ZNF431: variants seen among roughly 807,000 people sequenced by gnomAD.
ZNF431 encodes the protein zinc finger protein 431.
ZNF431 carries 34 observed loss-of-function variants against 57.0 expected under a neutral mutation model. That is an observed-to-expected ratio of 0.60 (90% CI 0.45 to 0.79). The LOEUF (loss-of-function observed/expected upper bound fraction) is 0.79. Among genes scored for constraint, ZNF431 ranks in the 30% least tolerant of loss-of-function variants. ZNF431 has a pLI of 0.00. For missense variants in ZNF431, 607 were observed against 667.1 expected, an observed-to-expected ratio of 0.91 and a Z score of 0.99; for synonymous variants, 207 against 220.3, an observed-to-expected ratio of 0.94 and a Z score of 0.54.
intron 2 of ZNF431, among the ~76,000 whole-genome samples, chr19:21,162,559 G>C (rs113175142): frequency 6.6e-6 from 1 of 152,092 alleles, no homozygotes; most frequent in Non-Finnish European, 1.5e-5. Flanking sequence ...ACCCACCTCA[G>C]CCTCCCAAAG....
At position 21,185,238 on chromosome 19, in the gene ZNF431, T is replaced by C. The variant is rs903231160; in HGVS notation, c.*1204T>C. 2 of 152,216 alleles carry C rather than the reference T, an allele frequency of 1.3e-5. No homozygotes were observed. Among genetic ancestry groups the C allele is most frequent in the South Asian group, 2.1e-4 (1 of 4,828 alleles). The allele number at this position is 152,216 out of a possible 1,614,324, so 9.4% of individuals were successfully genotyped here. A position where few individuals can be genotyped will look rare whatever the true frequency, so the allele number is the denominator to read the frequency against. On this transcript the variant is annotated 3_prime_UTR_variant, in exon 5 of 5. Transcript: ENST00000311048. ...GAAACTAAAGTTGGTAGAAAAGTTA[T>C]TTGTATAGAACTTTAAGAGGATCAG... is the stretch of plus-strand genomic sequence containing the variant.
At chr19:21,149,749 G>A (rs577745304) in intron 2 of ZNF431, 133 of 624,092 alleles carry the variant, frequency 2.1e-4, no homozygotes, top group Admixed American at 3.4e-4. Flanking sequence ...CAGTGATGGC[G>A]GATCTCATCC....
chr19:21,143,872 C>T (rs1186939991), intron 2 of ZNF431, among the ~76,000 whole-genome samples: 1 of 151,526 alleles, frequency 6.6e-6, no homozygotes, highest in East Asian at 1.9e-4. Context: ...TCCCAAAAGA[C>T]CAGAAAAAAA....
rs534376251 is a variant in ZNF431, at chr19:21,193,499, C to T, written c.*9465C>T. On this transcript the variant is annotated 3_prime_UTR_variant, in exon 5 of 5. Coordinates refer to ENST00000311048, the MANE Select transcript of ZNF431 (RefSeq NM_133473.4). The stretch of plus-strand genomic sequence containing the variant: ...CCGAGATCGCGCCATTGCACTCCAG[C>T]CTAGGCAATGAGTGAAACTCCATCT... The T allele has an allele frequency of 1.3e-5, 2 of 152,192 alleles. No homozygotes were observed. The highest frequency in any genetic ancestry group is 2.9e-5 in the Non-Finnish European group (2 of 68,076). 9.4% of individuals were successfully genotyped at this position (152,192 alleles called of 1,614,324 possible).
At chr19:21,165,541 A>G (rs1970698177) in intron 2 of ZNF431, among the ~76,000 whole-genome samples, 2 of 152,168 alleles carry the variant, frequency 1.3e-5, no homozygotes, top group African/African-American at 2.4e-5. Flanking sequence ...ACATCATAGA[A>G]ATTTGTTCTA....
chr19:21,191,645 A>G lies in ZNF431; in HGVS notation c.*7611A>G, dbSNP rs186572440. The G allele has an allele frequency of 6.6e-6, 1 of 152,142 alleles. No homozygotes were observed. Among genetic ancestry groups the G allele is most frequent in the South Asian group, 2.1e-4 (1 of 4,826 alleles). The allele number at this position is 152,142 out of a possible 1,614,324, so 9.4% of individuals were successfully genotyped here. On this transcript the variant is annotated 3_prime_UTR_variant, in exon 5 of 5. Coordinates refer to ENST00000311048, the MANE Select transcript of ZNF431 (RefSeq NM_133473.4). ...GGATATAAAGTTTTCTTAATTGAAG[A>G]TTCTGTTCTTTCCCTTTAAAGTCAC... is the stretch of plus-strand genomic sequence containing the variant.
chr19:21,164,072 T>A (rs1970651080), intron 2 of ZNF431, among the ~76,000 whole-genome samples: 1 of 87,050 alleles, frequency 1.1e-5, no homozygotes. Flanking sequence ...AGCGTGAAAC[T>A]CCATCTCAAA....
At chr19:21,155,424 C>G (rs946869896) in intron 2 of ZNF431, among the ~76,000 whole-genome samples, 55 of 152,098 alleles carry the variant, frequency 3.6e-4, no homozygotes, top group Non-Finnish European at 6.2e-4. Context: ...GTTACTGTAG[C>G]CTTGTTGTAT....
chr19:21,171,628 A>G (rs1192100581), intron 4 of ZNF431, among the ~76,000 whole-genome samples: 2 of 145,166 alleles, frequency 1.4e-5, no homozygotes, highest in Admixed American at 1.4e-4. Context: ...TGGCTGTTTT[A>G]TCTTGTCTAA....
At chr19:21,182,481 A>G (rs2145049256) in intron 4 of ZNF431, 142 bp from the exon 5 acceptor site, 1 of 946,630 alleles carries the variant, frequency 1.1e-6, no homozygotes, top group East Asian at 2.8e-5. Context: ...TATTAGATTT[A>G]TATGTCTATG....
intron 2 of ZNF431, 135 bp downstream of exon 2, chr19:21,143,778 TAGG>T: frequency 1.8e-6 from 1 of 552,544 alleles, no homozygotes. Flanking sequence ...TGGATTGTCT[TAGG>T]GGGCAGAAAG....
In ZNF431 at chr19:21,142,140, G is replaced by T; in HGVS notation, c.-44G>T. The T allele has an allele frequency of 1.9e-6, 3 of 1,611,618 alleles. No individual in the cohort carries two copies. The highest frequency in any genetic ancestry group is 2.5e-6 in the Non-Finnish European group (3 of 1,178,468). On this transcript the variant is annotated 5_prime_UTR_variant, in exon 1 of 5. Coordinates refer to ENST00000311048, the MANE Select transcript of ZNF431 (RefSeq NM_133473.4). ...GTGGCCCTGTGACCTGCAGGTATTG[G>T]GAGACCCACAGCTAAGACACCGGGA...
chr19:21,149,164 AACC>A (rs1265138588), intron 2 of ZNF431, among the ~76,000 whole-genome samples: 1 of 152,206 alleles, frequency 6.6e-6, no homozygotes, highest in Non-Finnish European at 1.5e-5. Flanking sequence ...TTTTCTTTAT[AACC>A]TTTGTATATG....
At chr19:21,176,347 T>G (rs1448281682) in intron 4 of ZNF431, among the ~76,000 whole-genome samples, 1 of 151,974 alleles carries the variant, frequency 6.6e-6, no homozygotes, top group African/African-American at 2.4e-5. Flanking sequence ...ATCAAGCGAT[T>G]CTTCTGCCTC....
intron 4 of ZNF431, among the ~76,000 whole-genome samples, chr19:21,173,538 T>A (rs1970966890): frequency 6.6e-6 from 1 of 152,152 alleles, no homozygotes; most frequent in Non-Finnish European, 1.5e-5. Flanking sequence ...TTTTTTGAGA[T>A]GGAGTCTTGC....
chr19:21,172,138 A>AAC (rs34679390), intron 4 of ZNF431, among the ~76,000 whole-genome samples: 142,856 of 151,742 alleles, frequency 0.94, 67,490 homozygotes, highest in Middle Eastern at 0.99. Context: ...TTGTTGTAAA[A>AAC]ACATAACAGG....
At chr19:21,143,273 G>A (rs1599568803) in intron 1 of ZNF431, among the ~76,000 whole-genome samples, 1 of 152,116 alleles carries the variant, frequency 6.6e-6, no homozygotes, top group Non-Finnish European at 1.5e-5. Flanking sequence ...TATTTCCCAT[G>A]AGAAGAAAGC....
rs1042106729 is a variant in ZNF431, at chr19:21,171,524, G to A, written c.319+3858G>A. On this transcript the variant is annotated intron_variant, in intron 4 of 4. Transcript: ENST00000311048. ...GATAAGTCAGCCATACGTCTATCAC[G>A]ATCAGATTATATGTGTGTGTGTTTA... Among the ~76,000 whole-genome samples the A allele has an allele frequency of 4.6e-5, 7 of 151,620 alleles. No homozygotes were observed. In the East Asian group the frequency reaches 5.8e-4, roughly 13 times the overall value.
intron 2 of ZNF431, among the ~76,000 whole-genome samples, chr19:21,159,334 T>C (rs1241359051): frequency 1.3e-5 from 2 of 151,354 alleles, no homozygotes; most frequent in Non-Finnish European, 2.9e-5. Flanking sequence ...AATTATGATA[T>C]ATATATATAG....
Sources: gnomAD v4.1 joint callset for allele counts (sites outside exome capture counted in the v4.1 genomes callset) on GRCh38, gnomAD v4.1.1 for gene constraint, MANE v1.5 for transcripts, NCBI Gene and HGNC (gene_info 2026-07-23, HGNC 2026-07-21) for gene names.